Variants in FAM3B observed in about 807,000 individuals in gnomAD.
FAM3B encodes FAM3 metabolism regulating signaling molecule B.
FAM3B carries 29 observed loss-of-function variants against 28.4 expected under a neutral mutation model. That is an observed-to-expected ratio of 1.02 (90% confidence interval 0.76 to 1.39). The LOEUF is 1.39. Among genes scored for constraint, FAM3B ranks in the 40% most tolerant of loss-of-function variants. FAM3B has a pLI of 0.00. For synonymous variants in FAM3B, 91 were observed against 103.0 expected, an observed-to-expected ratio of 0.88 and a Z score of 0.71; for missense variants, 266 against 293.9, an observed-to-expected ratio of 0.91 and a Z score of 0.69.
chr21:41,310,094 T>C (rs1290154490), intron 1 of FAM3B, among the ~76,000 whole-genome samples: 1 of 151,708 alleles, frequency 6.6e-6, no homozygotes, highest in Non-Finnish European at 1.5e-5. Flanking sequence ...AGGGTGGGAG[T>C]TTCTACCCAA....
chr21:41,345,867 CTA>C (rs767907772), intron 5 of FAM3B, 131 bp downstream of exon 5: 1 of 667,918 alleles, frequency 1.5e-6, no homozygotes, highest in South Asian at 1.6e-5. Flanking sequence ...CCTGAGTAAT[CTA>C]GAGTGGTCTT....
intron 3 of FAM3B, among the ~76,000 whole-genome samples, chr21:41,339,177 G>T (rs936887819): frequency 1.3e-5 from 2 of 152,184 alleles, no homozygotes; most frequent in Admixed American, 6.5e-5. Flanking sequence ...CAACAAAGTC[G>T]TCCTGGCCTG....
intron 1 of FAM3B, 29 bp downstream of exon 1, chr21:41,316,927 G>A: frequency 7.5e-7 from 1 of 1,335,070 alleles, no homozygotes; most frequent in East Asian, 3.0e-5. Context: ...CGGGGCGAGG[G>A]TAGGGGCGGG....
upstream of FAM3B, among the ~76,000 whole-genome samples, chr21:41,312,722 A>AGTGTGTGTGTGTGTGTGTGT (rs10580404): frequency 2.4e-3 from 353 of 148,320 alleles, no homozygotes; most frequent in Non-Finnish European, 3.7e-3. Flanking sequence ...TGTGTGTGAG[A>AGTGTGTGTGTGTGTGTGTGT]GTGTGTGTGT....
intron 2 of FAM3B, among the ~76,000 whole-genome samples, chr21:41,324,311 C>T (rs893607715): frequency 6.6e-6 from 1 of 152,178 alleles, no homozygotes; most frequent in African/African-American, 2.4e-5. Context: ...TCTCTTGAAA[C>T]AGTAGAAGCT....
chr21:41,338,587 C>A, intron 3 of FAM3B, 86 bp downstream of exon 3: 2 of 1,552,640 alleles, frequency 1.3e-6, no homozygotes, highest in African/African-American at 2.7e-5. Context: ...CAGTTCTGCC[C>A]ACAGGAGAGA....
chr21:41,335,399 G>A lies in FAM3B; in HGVS notation c.164-2979G>A, dbSNP rs75552803. 1.8e-3 allele frequency among the ~76,000 whole-genome samples: 281 copies of A among 152,308 alleles called. 2 individuals are homozygous for A. In the East Asian group the frequency reaches 0.021, roughly 11 times the overall value. On this transcript the variant is annotated intron_variant, in intron 2 of 7. Coordinates refer to ENST00000357985, the MANE Select transcript of FAM3B (RefSeq NM_058186.4). ...TGGGAGGTGTTTGGATCACGGGAGT[G>A]GATTCCTCACGAGTGGTTTAGCACC...
At chr21:41,336,248 A>C (rs1302297554) in intron 2 of FAM3B, among the ~76,000 whole-genome samples, 1 of 152,168 alleles carries the variant, frequency 6.6e-6, no homozygotes, top group Non-Finnish European at 1.5e-5. Context: ...TAGGCCAGGC[A>C]TGGGGGCTCA....
rs374337170 is a variant in FAM3B at position 41,319,134 on chromosome 21, C to G, written c.19+2236C>G. Among the ~76,000 whole-genome samples the G allele has an allele frequency of 1.1e-4, 16 of 152,140 alleles. No homozygotes were observed. In the East Asian group the frequency reaches 1.2e-3, roughly 11 times the overall value. On this transcript the variant is annotated intron_variant, in intron 1 of 7. Transcript: ENST00000357985. ...CTTGAACTCCTGGCCTCAAGTTGAA[C>G]TCCCGGGTTCCTTAGCTTTCCAAAA...
upstream of FAM3B, among the ~76,000 whole-genome samples, chr21:41,314,662 A>G (rs2088734038): frequency 6.6e-6 from 1 of 152,202 alleles, no homozygotes; most frequent in African/African-American, 2.4e-5. Flanking sequence ...CAAATAGCCA[A>G]CAAGAGCGTG....
chr21:41,348,828 G>T, intron 7 of FAM3B, 104 bp downstream of exon 7: 1 of 1,286,516 alleles, frequency 7.8e-7, no homozygotes. Context: ...AAACATAAGA[G>T]TTGTGTCAGC....
Position 41,311,236 on chromosome 21 carries a change from C to CAAAAAAAAAA in FAM3B, n.99+6933_99+6942dup, listed in dbSNP as rs71848321. Among the ~76,000 whole-genome samples, 10 of 23,502 alleles carry CAAAAAAAAAA rather than the reference C, an allele frequency of 4.3e-4. 1 individual carries two copies. Among genetic ancestry groups the CAAAAAAAAAA allele is most frequent in the African/African-American group, 1.1e-3 (8 of 6,994 alleles). The allele number at this position is 23,502 out of a possible 152,430, so 15.4% of individuals were successfully genotyped here. A position where few individuals can be genotyped will look rare whatever the true frequency, so the allele number is the denominator to read the frequency against. On this transcript the variant is annotated intron_variant and non_coding_transcript_variant, in intron 1 of 9. Coordinates refer to the FAM3B transcript ENST00000479810. ...GCAACATGACAAAACCCTGTCTCTA[C>CAAAAAAAAAA]AAAAAAAAAAAAAAAATATATATAT...
At chr21:41,322,846 C>T (rs770887516) in intron 1 of FAM3B, 77 bp from the exon 2 acceptor site, 10 of 1,611,584 alleles carry the variant, frequency 6.2e-6, no homozygotes, top group East Asian at 4.5e-5. Context: ...TGAAAAGCCA[C>T]AGGGGGGATG....
intron 4 of FAM3B, among the ~76,000 whole-genome samples, 179 bp from the exon 5 acceptor site, chr21:41,345,507 C>T (rs2089048795): frequency 6.6e-6 from 1 of 152,142 alleles, no homozygotes; most frequent in South Asian, 2.1e-4. Flanking sequence ...TTTCCTTTGA[C>T]CTGGTTTTGG....
Position 41,323,061 on chromosome 21 carries a change from T to C in FAM3B, c.158T>C (p.Leu53Pro). ...CGCAGCATCGGGGAGAGGCCTGTCC[T>C]CAAAGGTGAGTGCCGTGCTTGGGGC... ...SIRSIGERPV[L>P]KAPVPKRQKC... is the part of the protein sequence containing the mutation. Residue 53 changes from leucine to proline, a missense_variant, in exon 2 of 8, where the codon CTC becomes CCC. Physicochemically the swap from Leu to Pro is moderately conservative, Grantham distance 98 (BLOSUM62 -3). Coordinates refer to ENST00000357985, the MANE Select transcript of FAM3B (RefSeq NM_058186.4). 6.2e-7 allele frequency: 1 copy of C among 1,604,240 alleles called. No individual in the cohort carries two copies.
rs11701101 is a variant in FAM3B, at chr21:41,346,022, T to A, written c.397+286T>A. On this transcript the variant is annotated intron_variant, in intron 5 of 7. Coordinates refer to ENST00000357985, the MANE Select transcript of FAM3B (RefSeq NM_058186.4). The stretch of plus-strand genomic sequence containing the variant: ...TAAGAAAGAGAAAAAGCCTTTTTTT[T>A]AAAAAAAAAAAAAAGCCAAATACAT... 8.0e-3 allele frequency: 1,614 copies of A among 202,040 alleles called. 6 individuals carry two copies. The highest frequency in any genetic ancestry group is 0.031 in the Middle Eastern group (15 of 490). 12.5% of individuals were successfully genotyped at this position (202,040 alleles called of 1,614,324 possible). A position where few individuals can be genotyped will look rare whatever the true frequency, so the allele number is the denominator to read the frequency against.
upstream of FAM3B, among the ~76,000 whole-genome samples, chr21:41,314,051 T>C (rs2088730745): frequency 6.6e-6 from 1 of 152,176 alleles, no homozygotes; most frequent in South Asian, 2.1e-4. Flanking sequence ...ATCTTTCAAT[T>C]AGATGGCTTT....
rs149282476 is a variant in FAM3B at position 41,323,035 on chromosome 21, C to T, written c.132C>T (p.Ile44=). ...DAPLSSAAYS[I]RSIGERPVLK... is the part of the protein sequence containing the mutation. Reference sequence around the variant, plus strand: ...CCCTGTCCAGTGCTGCCTATAGCATCCGCAGCATCGGGGAGAGGCCTGTCC... The same window carrying T: ...CCCTGTCCAGTGCTGCCTATAGCATTCGCAGCATCGGGGAGAGGCCTGTCC... Residue 44 remains isoleucine, a synonymous_variant, in exon 2 of 8, where the codon ATC becomes ATT. Transcript: ENST00000357985. 5.4e-4 allele frequency: 874 copies of T among 1,607,932 alleles called. 1 individual carries two copies. In the African/African-American group the frequency reaches 0.01, roughly 19 times the overall value.
intron 7 of FAM3B, among the ~76,000 whole-genome samples, chr21:41,349,691 G>T (rs1170098847): frequency 6.6e-6 from 1 of 152,204 alleles, no homozygotes; most frequent in African/African-American, 2.4e-5. Flanking sequence ...GGAGAAGGGG[G>T]CTGGATAAGG....
Sources: allele counts gnomAD v4.1 joint callset (sites outside exome capture counted in the v4.1 genomes callset), GRCh38; gene constraint gnomAD v4.1.1; transcripts MANE v1.5; gene names NCBI Gene and HGNC (gene_info 2026-07-23, HGNC 2026-07-21).